The following ADGRL2 variants were observed in gnomAD, a reference collection of about 807,000 sequenced individuals.
ADGRL2 encodes calcium-independent alpha-latrotoxin receptor 2.
Under a neutral mutation model 157.4 loss-of-function variants are expected in ADGRL2, and 44 were observed. That is an observed-to-expected ratio of 0.28 (90% CI 0.22 to 0.36). The LOEUF (loss-of-function observed/expected upper bound fraction) is 0.36, where lower values mean the gene tolerates loss of function less well. ADGRL2 is among the 10% of genes least tolerant of loss of function. ADGRL2 has a pLI of 1.00. For synonymous variants in ADGRL2, 585 were observed against 624.7 expected, an observed-to-expected ratio of 0.94 and a Z score of 0.95; for missense variants, 1,510 against 1,768.9, an observed-to-expected ratio of 0.85 and a Z score of 2.63.
chr1:81,378,475 A>C (rs757861741), intron 1 of ADGRL2, among the ~76,000 whole-genome samples: 39 of 150,518 alleles, frequency 2.6e-4, no homozygotes, highest in South Asian at 8.5e-4. Flanking sequence ...TGGGAGCATC[A>C]CCTGAACCCA....
chr1:81,486,208 G>A (rs1423008259), intron 2 of ADGRL2, among the ~76,000 whole-genome samples: 2 of 152,204 alleles, frequency 1.3e-5, no homozygotes, highest in African/African-American at 4.8e-5. Context: ...ACCCCTATGT[G>A]CACATTTTTC....
rs572877430 is a variant in ADGRL2, at chr1:81,433,788, G to A, written c.-301-11248G>A. On this transcript the variant is annotated intron_variant, in intron 1 of 24. Coordinates refer to the ADGRL2 transcript ENST00000370721. ...CTTTTCCGTGGATTGACTGGACTCT[G>A]TTGGGTTGTCCTCACTCAGGGTTCA... 2.6e-5 allele frequency among the ~76,000 whole-genome samples: 4 copies of A among 152,326 alleles called. No homozygotes were observed. The East Asian group carries it at 5.8e-4, about 22-fold the overall frequency.
At chr1:81,855,660 G>A (rs1225218834) in intron 2 of ADGRL2, among the ~76,000 whole-genome samples, 1 of 151,854 alleles carries the variant, frequency 6.6e-6, no homozygotes, top group Admixed American at 6.6e-5. Context: ...AAGAAAAGTC[G>A]GACATTGGAT....
chr1:81,871,096 C>T (rs2093681772), intron 2 of ADGRL2, among the ~76,000 whole-genome samples: 2 of 123,472 alleles, frequency 1.6e-5, no homozygotes, highest in East Asian at 3.0e-4. Context: ...TCCCCCCACC[C>T]CCAACAGGCC....
At chr1:81,384,970 C>T (rs1219814771) in intron 1 of ADGRL2, among the ~76,000 whole-genome samples, 1 of 152,134 alleles carries the variant, frequency 6.6e-6, no homozygotes, top group Non-Finnish European at 1.5e-5. Flanking sequence ...TCAATTTGAA[C>T]ACCATTACCT....
At chr1:81,579,044 A>G (rs914855339) in intron 2 of ADGRL2, among the ~76,000 whole-genome samples, 3 of 152,186 alleles carry the variant, frequency 2.0e-5, no homozygotes, top group Non-Finnish European at 2.9e-5. Context: ...AAACACAGCT[A>G]GTACCTCAGT....
At chr1:81,922,866 T>C (rs1405712962) in intron 3 of ADGRL2, among the ~76,000 whole-genome samples, 2 of 152,114 alleles carry the variant, frequency 1.3e-5, no homozygotes, top group Non-Finnish European at 2.9e-5. Context: ...AAATAAAATA[T>C]AAAATTACAT....
At chr1:81,469,448 C>A (rs1436255568) in intron 2 of ADGRL2, among the ~76,000 whole-genome samples, 1 of 152,150 alleles carries the variant, frequency 6.6e-6, no homozygotes, top group Non-Finnish European at 1.5e-5. Context: ...CTCTCAACTT[C>A]TTTCTTATTT....
Position 81,634,264 on chromosome 1 carries a change from C to A in ADGRL2, c.-143+53284C>A, listed in dbSNP as rs545629513. On this transcript the variant is annotated intron_variant, in intron 3 of 24. Coordinates refer to the ADGRL2 transcript ENST00000370721. ...CAGACTACTACAAAAGCTTCCTAAT[C>A]TATCTTGCTCACTCTCATTAGGCCT... Among the ~76,000 whole-genome samples the A allele has an allele frequency of 2.6e-5, 4 of 152,308 alleles. No homozygotes were observed. In the South Asian group the frequency reaches 6.2e-4, roughly 24 times the overall value.
chr1:81,945,331 T>C (rs1649455235), intron 6 of ADGRL2, among the ~76,000 whole-genome samples: 1 of 152,100 alleles, frequency 6.6e-6, no homozygotes, highest in South Asian at 2.1e-4. Context: ...TTGATCCTTA[T>C]GTTAACCTTT....
At chr1:81,810,948 T>G (rs1027920760) in intron 1 of ADGRL2, among the ~76,000 whole-genome samples, 31 of 151,920 alleles carry the variant, frequency 2.0e-4, no homozygotes, top group African/African-American at 7.5e-4. Flanking sequence ...GTTTGAATAT[T>G]AGGTGCTTCC....
At chr1:81,796,826 T>G (rs1182093369), upstream of ADGRL2, among the ~76,000 whole-genome samples, 2 of 152,204 alleles carry the variant, frequency 1.3e-5, no homozygotes, top group Admixed American at 6.5e-5. Context: ...TACTTTAAAC[T>G]GTCATTACTT....
At chr1:81,779,507 A>G (rs1314416558) in intron 2 of ADGRL2, among the ~76,000 whole-genome samples, 2 of 152,192 alleles carry the variant, frequency 1.3e-5, no homozygotes, top group Admixed American at 6.5e-5. Context: ...TCTCTTTAGC[A>G]TATTTCACAA....
chr1:81,745,567 A>G (rs12043613), intron 1 of ADGRL2, among the ~76,000 whole-genome samples: 8,702 of 152,292 alleles, frequency 0.057, 293 homozygotes, highest in East Asian at 0.11. Flanking sequence ...AGCTGTTAGT[A>G]CACTCAGTGT....
chr1:81,958,222 A>C (rs1254838688), intron 11 of ADGRL2, among the ~76,000 whole-genome samples: 2 of 151,522 alleles, frequency 1.3e-5, no homozygotes, highest in African/African-American at 4.9e-5. Context: ...ACGCCATTGC[A>C]CTCCAGCCTG....
intron 2 of ADGRL2, among the ~76,000 whole-genome samples, chr1:81,897,352 T>C (rs1284330018): frequency 2.0e-5 from 3 of 152,178 alleles, no homozygotes; most frequent in Non-Finnish European, 4.4e-5. Flanking sequence ...AAGTTGTAAC[T>C]ATATACTGAG....
chr1:81,674,110 CTG>C (rs2082934257), intron 3 of ADGRL2, among the ~76,000 whole-genome samples: 1 of 152,132 alleles, frequency 6.6e-6, no homozygotes, highest in Admixed American at 6.6e-5. Flanking sequence ...TCTAATGAAT[CTG>C]TCTTTAATAT....
chr1:81,945,845 C>T (rs1425835664), intron 6 of ADGRL2, among the ~76,000 whole-genome samples: 1 of 149,970 alleles, frequency 6.7e-6, no homozygotes, highest in Non-Finnish European at 1.5e-5. Flanking sequence ...AAATTTCTCT[C>T]ACTGCTGTTT....
intron 1 of ADGRL2, among the ~76,000 whole-genome samples, chr1:81,313,454 C>A (rs141259447): frequency 6.6e-6 from 1 of 152,310 alleles, no homozygotes; most frequent in African/African-American, 2.4e-5. Flanking sequence ...TATGGACCAG[C>A]ACGTGTTAAT....
Sources: allele counts gnomAD v4.1 joint callset (sites outside exome capture counted in the v4.1 genomes callset), GRCh38; gene constraint gnomAD v4.1.1; transcripts MANE v1.5; gene names NCBI Gene and HGNC (gene_info 2026-07-23, HGNC 2026-07-21).